GALK2: variants seen among roughly 807,000 people sequenced by gnomAD.
GALK2 encodes N-acetylgalactosamine kinase.
A neutral mutation model predicts 52.4 loss-of-function variants in GALK2; 36 were observed. The observed-to-expected ratio is 0.69, with a 90% CI of 0.53 to 0.91. GALK2 has a LOEUF of 0.91. GALK2 is among the 40% of genes least tolerant of loss of function. GALK2 has a pLI of 0.00. For synonymous variants in GALK2, 176 were observed against 199.1 expected, an observed-to-expected ratio of 0.88 and a Z score of 0.98; for missense variants, 579 against 559.1, an observed-to-expected ratio of 1.04 and a Z score of -0.36.
intron 1 of GALK2, among the ~76,000 whole-genome samples, chr15:49,177,131 A>G (rs866061117): frequency 1.3e-5 from 2 of 151,856 alleles, no homozygotes; most frequent in Non-Finnish European, 2.9e-5. Flanking sequence ...TTCTTTTTCT[A>G]TATATTTTTT....
At chr15:49,217,002 TAG>T (rs2089431338) in intron 2 of GALK2, among the ~76,000 whole-genome samples, 186 bp from the exon 3 acceptor site, 2 of 152,328 alleles carry the variant, frequency 1.3e-5, no homozygotes, top group South Asian at 4.1e-4. Flanking sequence ...GTTTATTGCA[TAG>T]ATAGTTGCTC....
At position 49,254,369 on chromosome 15, in the gene GALK2, A is replaced by G. The variant is rs906528281; in HGVS notation, c.504+15002A>G. On this transcript the variant is annotated intron_variant, in intron 5 of 9. Coordinates refer to ENST00000560031, the MANE Select transcript of GALK2 (RefSeq NM_002044.4). The stretch of plus-strand genomic sequence containing the variant: ...AATTGGTGATGAGTCCTGTGGTTAC[A>G]AAGGCATTCAGAGATTATCTGATTA... 1.2e-4 allele frequency among the ~76,000 whole-genome samples: 17 copies of G among 144,536 alleles called. No homozygotes were observed. The Admixed American group carries it at 1.2e-3, about 10-fold the overall frequency. The allele number at this position is 144,536 out of a possible 152,430, so 94.8% of individuals were successfully genotyped here. A position where few individuals can be genotyped will look rare whatever the true frequency, so the allele number is the denominator to read the frequency against.
chr15:49,264,492 C>T (rs927314287), intron 5 of GALK2, among the ~76,000 whole-genome samples: 2 of 152,146 alleles, frequency 1.3e-5, no homozygotes, highest in African/African-American at 4.8e-5. Flanking sequence ...TCAAAGTTTT[C>T]AACTTCTTTG....
chr15:49,174,867 G>T (rs1046846470), intron 1 of GALK2, among the ~76,000 whole-genome samples: 3 of 152,126 alleles, frequency 2.0e-5, no homozygotes, highest in African/African-American at 7.2e-5. Context: ...TCATCCAAAT[G>T]ACCACCAGAA....
At chr15:49,249,267 C>T (rs1354732870) in intron 5 of GALK2, among the ~76,000 whole-genome samples, 1 of 152,166 alleles carries the variant, frequency 6.6e-6, no homozygotes, top group Non-Finnish European at 1.5e-5. Context: ...CCATCTTGGT[C>T]AAGAGTTACC....
chr15:49,357,379 G>A (rs1452980522), intron 3 of GALK2, among the ~76,000 whole-genome samples: 34 of 142,364 alleles, frequency 2.4e-4, no homozygotes, highest in East Asian at 1.6e-3. Flanking sequence ...TCAAATAGAC[G>A]CAATAAAAAA....
intron 1 of GALK2, among the ~76,000 whole-genome samples, chr15:49,183,800 A>C (rs11632386): frequency 1.3e-5 from 2 of 150,494 alleles, no homozygotes; most frequent in Non-Finnish European, 3.0e-5. Context: ...CCAAGATCAC[A>C]CCATTGCACT....
chr15:49,357,262 C>CA (rs2043313382), intron 3 of GALK2, among the ~76,000 whole-genome samples: 1 of 149,916 alleles, frequency 6.7e-6, no homozygotes, highest in South Asian at 2.1e-4. Context: ...AATAGAGACA[C>CA]AAAAAACCCT....
chr15:49,263,198 G>C (rs2092208209), intron 5 of GALK2, among the ~76,000 whole-genome samples: 1 of 68,440 alleles, frequency 1.5e-5, no homozygotes, highest in South Asian at 6.1e-4. Context: ...TAATGTGTGG[G>C]AGTCTAAGTC....
At chr15:49,277,845 G>C (rs2032084126) in intron 5 of GALK2, among the ~76,000 whole-genome samples, 1 of 152,160 alleles carries the variant, frequency 6.6e-6, no homozygotes, top group Admixed American at 6.5e-5. Flanking sequence ...TATGGTACTG[G>C]GGTGAAGAGG....
chr15:49,292,428 A>C lies in GALK2; in HGVS notation c.858A>C (p.Thr286=). 1 of 1,614,062 alleles carries C rather than the reference A, an allele frequency of 6.2e-7. No homozygotes were observed. Among genetic ancestry groups the C allele is most frequent in the Non-Finnish European group, 8.5e-7 (1 of 1,179,934 alleles). Reference sequence around the variant, plus strand: ...GTCTAGAAGAAATGCTGTTGGTCACAGAAGATGCCCTTCATCCTGAACCCT... The same window carrying C: ...GTCTAGAAGAAATGCTGTTGGTCACCGAAGATGCCCTTCATCCTGAACCCT... The part of the protein sequence containing the change: ...GISLEEMLLV[T]EDALHPEPYN... The change falls in exon 8 of 10, where the codon ACA becomes ACC. Residue 286 remains threonine, a synonymous_variant. Transcript: ENST00000560031.
At chr15:49,361,210 A>C (rs1348343168) in intron 3 of GALK2, among the ~76,000 whole-genome samples, 1 of 152,190 alleles carries the variant, frequency 6.6e-6, no homozygotes, top group Non-Finnish European at 1.5e-5. Flanking sequence ...AAATTAATTT[A>C]AAAAACTTAA....
Position 49,331,563 on chromosome 15 carries a change from C to A in GALK2, c.*3404C>A, listed in dbSNP as rs2038759396. ...TTCAGTTACATAAACTGTTCCTGGT[C>A]AGAAGCTGGAAATGGGGAATGTGAA... On this transcript the variant is annotated 3_prime_UTR_variant, in exon 10 of 10. Transcript: ENST00000560031. The A allele has an allele frequency of 2.1e-6, 1 of 483,878 alleles. No homozygotes were observed. Among genetic ancestry groups the A allele is most frequent in the Non-Finnish European group, 3.6e-6 (1 of 274,332 alleles). 30.0% of individuals were successfully genotyped at this position (483,878 alleles called of 1,614,324 possible).
intron 8 of GALK2, among the ~76,000 whole-genome samples, chr15:49,302,571 A>G (rs997552173): frequency 6.6e-6 from 1 of 152,194 alleles, no homozygotes; most frequent in African/African-American, 2.4e-5. Flanking sequence ...GTGCTTTACA[A>G]TGTAAAAAGG....
At chr15:49,226,710 C>T (rs537159724) in intron 3 of GALK2, 7 of 152,114 alleles carry the variant, frequency 4.6e-5, no homozygotes, top group Non-Finnish European at 1.0e-4. Context: ...TAGATGTAGG[C>T]ATTCATTGCT....
chr15:49,159,378 C>G (rs1173410958), intron 1 of GALK2, among the ~76,000 whole-genome samples: 1 of 152,070 alleles, frequency 6.6e-6, no homozygotes, highest in Non-Finnish European at 1.5e-5. Context: ...GAGTTTGAGA[C>G]CAGCCTGGCC....
intron 8 of GALK2, among the ~76,000 whole-genome samples, chr15:49,305,797 G>T (rs576229282): frequency 1.3e-5 from 2 of 152,246 alleles, no homozygotes; most frequent in South Asian, 4.1e-4. Context: ...GTTGCTTATG[G>T]AAAAGCACAT....
downstream of GALK2, among the ~76,000 whole-genome samples, chr15:49,334,692 C>T (rs896951444): frequency 5.9e-5 from 9 of 152,016 alleles, no homozygotes; most frequent in Non-Finnish European, 8.8e-5. Context: ...TAGATCTGCC[C>T]GCTGGATAGG....
chr15:49,229,060 A>T (rs1167919846), intron 3 of GALK2, among the ~76,000 whole-genome samples: 1 of 152,058 alleles, frequency 6.6e-6, no homozygotes, highest in African/African-American at 2.4e-5. Flanking sequence ...TTTCTTTGTC[A>T]TTGGAATCTG....
Sources: allele counts gnomAD v4.1 joint callset (sites outside exome capture counted in the v4.1 genomes callset), GRCh38; gene constraint gnomAD v4.1.1; transcripts MANE v1.5; gene names NCBI Gene and HGNC (gene_info 2026-07-23, HGNC 2026-07-21).